Variants in FIG4 observed in about 807,000 individuals in gnomAD.
FIG4 encodes the protein FIG4 phosphoinositide 5-phosphatase.
A neutral mutation model predicts 118.6 loss-of-function variants in FIG4; 112 were observed. That is an observed-to-expected ratio of 0.94 (90% CI 0.81 to 1.11). FIG4 has a LOEUF of 1.11. Among genes scored for constraint, FIG4 ranks in the 50% least tolerant of loss-of-function variants. FIG4 has a pLI of 0.00. For missense variants in FIG4, 969 were observed against 1,111.7 expected, an observed-to-expected ratio of 0.87 and a Z score of 1.83; for synonymous variants, 369 against 381.2, an observed-to-expected ratio of 0.97 and a Z score of 0.37.
intron 1 of FIG4, among the ~76,000 whole-genome samples, chr6:109,710,303 G>A (rs1373143865): frequency 6.6e-6 from 1 of 152,204 alleles, no homozygotes; most frequent in East Asian, 1.9e-4. Context: ...CAGGGATAAA[G>A]CCTACTTGAT....
At chr6:109,712,706 T>C (rs1775303757) in intron 1 of FIG4, among the ~76,000 whole-genome samples, 1 of 152,226 alleles carries the variant, frequency 6.6e-6, no homozygotes, top group African/African-American at 2.4e-5. Flanking sequence ...TTCATTTCTA[T>C]TCCTATTCTG....
chr6:109,762,061 C>T, intron 11 of FIG4, 30 bp from the exon 12 acceptor site: 1 of 1,343,430 alleles, frequency 7.4e-7, no homozygotes. Flanking sequence ...CTTGGCTTCT[C>T]ACTTTTCTCA....
chr6:109,813,735 A>G (rs544062771), intron 22 of FIG4, among the ~76,000 whole-genome samples: 2 of 152,278 alleles, frequency 1.3e-5, no homozygotes, highest in South Asian at 4.2e-4. Flanking sequence ...CAGAAGTGAT[A>G]AGGTTGTGAA....
rs6568602 is a variant in FIG4, at chr6:109,732,073, T to C, written c.447-564T>C. On this transcript the variant is annotated intron_variant, in intron 4 of 22. Transcript: ENST00000230124. ...GACAGGAAAATGGTTGCATTTGGAG[T>C]GAGAGAGCCGGACTGGGGAAGTCTA... 0.45 allele frequency among the ~76,000 whole-genome samples: 68,549 copies of C among 152,044 alleles called. 17,042 individuals are homozygous for C. The highest frequency in any genetic ancestry group is 0.67 in the African/African-American group (27,789 of 41,474).
At chr6:109,694,347 G>A (rs1774644253) in intron 1 of FIG4, among the ~76,000 whole-genome samples, 1 of 152,170 alleles carries the variant, frequency 6.6e-6, no homozygotes, top group African/African-American at 2.4e-5. Flanking sequence ...GGAAAGGACA[G>A]TCTCTTCAAT....
At chr6:109,756,356 G>C (rs1776901013) in intron 10 of FIG4, among the ~76,000 whole-genome samples, 1 of 152,078 alleles carries the variant, frequency 6.6e-6, no homozygotes, top group Admixed American at 6.5e-5. Context: ...CTTTCTCTCT[G>C]GCTGCCCTTA....
chr6:109,781,426 T>C (rs955056285), intron 16 of FIG4, among the ~76,000 whole-genome samples: 2 of 152,138 alleles, frequency 1.3e-5, no homozygotes, highest in Non-Finnish European at 2.9e-5. Context: ...TTGAGGTCAA[T>C]GTTCTTCTTA....
intron 4 of FIG4, among the ~76,000 whole-genome samples, chr6:109,727,802 C>T (rs1211528375): frequency 6.6e-6 from 1 of 152,100 alleles, no homozygotes; most frequent in African/African-American, 2.4e-5. Flanking sequence ...TAACTTGAAT[C>T]TAAGCATGGG....
intron 1 of FIG4, among the ~76,000 whole-genome samples, chr6:109,696,117 A>T (rs944752681): frequency 1.4e-4 from 21 of 152,314 alleles, no homozygotes; most frequent in African/African-American, 5.1e-4. Context: ...CATTGTCCCC[A>T]TAAACTTTTA....
At chr6:109,730,021 A>G in intron 4 of FIG4, among the ~76,000 whole-genome samples, 1 of 151,962 alleles carries the variant, frequency 6.6e-6, no homozygotes, top group East Asian at 1.9e-4. Context: ...GATATCTTGA[A>G]GATGTTAGTT....
intron 3 of FIG4, among the ~76,000 whole-genome samples, chr6:109,721,595 T>C (rs1562645514): frequency 6.6e-6 from 1 of 152,180 alleles, no homozygotes; most frequent in Non-Finnish European, 1.5e-5. Context: ...TCTTGTCTTC[T>C]GGAAAGTACT....
chr6:109,712,094 C>A (rs750036316), intron 1 of FIG4, among the ~76,000 whole-genome samples: 2 of 152,214 alleles, frequency 1.3e-5, no homozygotes, highest in African/African-American at 4.8e-5. Context: ...CCAATCTCTT[C>A]TGGCTTTTAG....
chr6:109,792,746 T>G (rs990323709), intron 21 of FIG4, 82 bp downstream of exon 21: 1 of 837,228 alleles, frequency 1.2e-6, no homozygotes, highest in African/African-American at 1.7e-5. Context: ...CTTTTTTTTT[T>G]TTTTTTTTTG....
intron 7 of FIG4, among the ~76,000 whole-genome samples, chr6:109,739,085 C>T (rs1776246035): frequency 6.6e-6 from 1 of 152,058 alleles, no homozygotes; most frequent in Non-Finnish European, 1.5e-5. Context: ...ATTTAGGATG[C>T]TTGAGTTGAC....
intron 22 of FIG4, among the ~76,000 whole-genome samples, chr6:109,816,373 A>G (rs749245215): frequency 2.6e-5 from 4 of 152,242 alleles, no homozygotes; most frequent in Non-Finnish European, 5.9e-5. Flanking sequence ...AACGTCATCA[A>G]AAACAAGTAA....
At chr6:109,748,723 A>G (rs993890380) in intron 10 of FIG4, among the ~76,000 whole-genome samples, 2 of 152,200 alleles carry the variant, frequency 1.3e-5, no homozygotes, top group African/African-American at 2.4e-5. Flanking sequence ...CCTCACAATC[A>G]TATCGGAAAG....
At chr6:109,755,368 A>G (rs919750760) in intron 10 of FIG4, among the ~76,000 whole-genome samples, 16 of 152,198 alleles carry the variant, frequency 1.1e-4, no homozygotes, top group African/African-American at 3.6e-4. Context: ...TATGTGGTCA[A>G]TTTTGGAATA....
rs768773104 is a variant in FIG4, at chr6:109,796,774, G to T, written c.2469G>T (p.Gln823His). The part of the protein sequence containing the change: ...EDFSIYSRFV[Q>H]LGQSQHKQDK... ...CCATTGTAATTTGTAGATTTGTTCAGCTGGGGCAGAGTCAACATAAACAAG... is the reference window on the plus strand; with the variant it reads ...CCATTGTAATTTGTAGATTTGTTCATCTGGGGCAGAGTCAACATAAACAAG... Residue 823 changes from glutamine (Q) to histidine (H), a missense_variant, in exon 22 of 23, where the codon CAG becomes CAT. Gln to His is a conservative substitution (Grantham distance 24). Coordinates refer to ENST00000230124, the MANE Select transcript of FIG4 (RefSeq NM_014845.6). The T allele has an allele frequency of 3.1e-6, 5 of 1,605,814 alleles. No homozygotes were observed. The Admixed American group carries it at 8.3e-5, about 27-fold the overall frequency.
At chr6:109,739,087 T>A (rs565169649) in intron 7 of FIG4, among the ~76,000 whole-genome samples, 2 of 152,234 alleles carry the variant, frequency 1.3e-5, no homozygotes, top group African/African-American at 4.8e-5. Flanking sequence ...TTAGGATGCT[T>A]GAGTTGACAA....
Sources: allele counts gnomAD v4.1 joint callset (sites outside exome capture counted in the v4.1 genomes callset), GRCh38; gene constraint gnomAD v4.1.1; transcripts MANE v1.5; gene names NCBI Gene and HGNC (gene_info 2026-07-23, HGNC 2026-07-21).